The following ITGB3 variants were observed in gnomAD, a reference collection of about 807,000 sequenced individuals.
ITGB3 encodes the protein integrin beta-3.
ITGB3 carries 48 observed loss-of-function variants against 85.8 expected under a neutral mutation model. The observed-to-expected ratio is 0.56, with a 90% CI of 0.44 to 0.71. The LOEUF (loss-of-function observed/expected upper bound fraction) is 0.71, where lower values mean the gene tolerates loss of function less well. Among genes scored for constraint, ITGB3 ranks in the 30% least tolerant of loss-of-function variants. The probability of loss-of-function intolerance (pLI) is 0.00; values close to 1 mark genes in which losing one functional copy is unlikely to be tolerated. For missense variants in ITGB3, 861 were observed against 1,019.1 expected, an observed-to-expected ratio of 0.84 and a Z score of 2.11; for synonymous variants, 363 against 395.6, an observed-to-expected ratio of 0.92 and a Z score of 0.98.
At chr17:47,283,150 T>G (rs999194458) in intron 2 of ITGB3, among the ~76,000 whole-genome samples, 3 of 152,036 alleles carry the variant, frequency 2.0e-5, no homozygotes, top group African/African-American at 7.2e-5. Flanking sequence ...CAAGCAGTCC[T>G]CATGCCTTGG....
At position 47,284,579 on chromosome 17, in the gene ITGB3, C is replaced by G; in HGVS notation, c.498C>G (p.Thr166=). The part of the protein sequence containing the change: ...SIQNLGTKLA[T]QMRKLTSNLR... ...AGAACCTGGGTACCAAGCTGGCCACCCAGATGCGAAAGCTCACCAGTAACC... is the reference window on the plus strand; with the variant it reads ...AGAACCTGGGTACCAAGCTGGCCACGCAGATGCGAAAGCTCACCAGTAACC... Residue 166 remains threonine, a synonymous_variant, in exon 4 of 15, where the codon ACC becomes ACG. Transcript: ENST00000559488. 1 of 1,614,064 alleles carries G rather than the reference C, an allele frequency of 6.2e-7. No homozygotes were observed.
intron 1 of ITGB3, among the ~76,000 whole-genome samples, chr17:47,260,723 C>G (rs920000222): frequency 2.6e-5 from 4 of 151,966 alleles, no homozygotes; most frequent in African/African-American, 9.7e-5. Flanking sequence ...GGGACTTCCA[C>G]AAGTTGAGAA....
Position 47,299,414 on chromosome 17 carries a change from G to A in ITGB3, c.1797G>A (p.Leu599=), listed in dbSNP as rs2065157703. The change falls in exon 11 of 15, where the codon CTG becomes CTA. Residue 599 remains leucine, a synonymous_variant. Coordinates refer to ENST00000559488, the MANE Select transcript of ITGB3 (RefSeq NM_000212.3). The surrounding 1 kb of genome is among the most constrained non-coding windows in gnomAD (Gnocchi z 5.1). ...RTDTCMSSNG[L]LCSGRGKCEC... is the part of the protein sequence containing the mutation. Reference sequence around the variant, plus strand: ...ACACCTGCATGTCCAGCAATGGGCTGCTGTGCAGCGGCCGCGGCAAGTGTG... The same window carrying A: ...ACACCTGCATGTCCAGCAATGGGCTACTGTGCAGCGGCCGCGGCAAGTGTG... 1 of 1,614,262 alleles carries A rather than the reference G, an allele frequency of 6.2e-7. No individual in the cohort carries two copies. Among genetic ancestry groups the A allele is most frequent in the Non-Finnish European group, 8.5e-7 (1 of 1,180,048 alleles).
intron 1 of ITGB3, among the ~76,000 whole-genome samples, chr17:47,256,311 A>T (rs190445502): frequency 2.0e-5 from 3 of 151,650 alleles, no homozygotes; most frequent in African/African-American, 4.8e-5. Context: ...ACTAAAAATT[A>T]AAAAAAAATC....
Position 47,292,210 on chromosome 17 carries a change from C to T in ITGB3, c.1332C>T (p.Pro444=), listed in dbSNP as rs765488914. 104 of 1,614,060 alleles carry T rather than the reference C, an allele frequency of 6.4e-5. No homozygotes were observed. The highest frequency in any genetic ancestry group is 8.5e-5 in the Non-Finnish European group (100 of 1,180,028). The change falls in exon 10 of 15, where the codon CCC becomes CCT. Residue 444 remains proline, a synonymous_variant. Transcript: ENST00000559488. Reference sequence around the variant, plus strand: ...AGGAGAAGTCCTTTACCATAAAGCCCGTGGGCTTCAAGGACAGCCTGATCG... The same window carrying T: ...AGGAGAAGTCCTTTACCATAAAGCCTGTGGGCTTCAAGGACAGCCTGATCG... The part of the protein sequence containing the change: ...QEKEKSFTIK[P]VGFKDSLIVQ...
At chr17:47,284,970 A>C (rs1449890207) in intron 4 of ITGB3, among the ~76,000 whole-genome samples, 1 of 152,220 alleles carries the variant, frequency 6.6e-6, no homozygotes, top group African/African-American at 2.4e-5. Context: ...AGAGAATGGG[A>C]GGGAAATGAC....
chr17:47,256,182 C>A (rs1850769099), intron 1 of ITGB3, among the ~76,000 whole-genome samples: 1 of 152,002 alleles, frequency 6.6e-6, no homozygotes, highest in Non-Finnish European at 1.5e-5. Context: ...TTTAAGATAT[C>A]TGGTCAGGCA....
intron 13 of ITGB3, among the ~76,000 whole-genome samples, chr17:47,305,936 C>T (rs1222355291): frequency 6.6e-6 from 1 of 152,200 alleles, no homozygotes; most frequent in Non-Finnish European, 1.5e-5. Context: ...AATCATTCCT[C>T]ATAACAAGTT....
At chr17:47,269,677 C>G (rs1056505240) in intron 1 of ITGB3, among the ~76,000 whole-genome samples, 2 of 152,150 alleles carry the variant, frequency 1.3e-5, no homozygotes, top group African/African-American at 2.4e-5. Flanking sequence ...TATTCTGAGC[C>G]CTCCAAGTTT....
intron 6 of ITGB3, among the ~76,000 whole-genome samples, chr17:47,289,138 C>T (rs1207619665): frequency 6.6e-6 from 1 of 152,160 alleles, no homozygotes; most frequent in Non-Finnish European, 1.5e-5. Flanking sequence ...AGGCATTTGT[C>T]AGTAGTTCCA....
At chr17:47,291,363 C>T (rs2065124930) in intron 9 of ITGB3, 1 of 584,126 alleles carries the variant, frequency 1.7e-6, no homozygotes, top group Non-Finnish European at 3.0e-6. Context: ...TGTGTATGCA[C>T]AGTTGATTGC....
At chr17:47,265,602 G>A (rs999397451) in intron 1 of ITGB3, among the ~76,000 whole-genome samples, 7 of 152,110 alleles carry the variant, frequency 4.6e-5, no homozygotes, top group Admixed American at 1.3e-4. Context: ...CTACCCTAAC[G>A]ACATCAATTG....
At chr17:47,281,891 A>T (rs1159543554) in intron 2 of ITGB3, among the ~76,000 whole-genome samples, 1 of 152,194 alleles carries the variant, frequency 6.6e-6, no homozygotes, top group African/African-American at 2.4e-5. Context: ...AATTACTATT[A>T]TTTTAAGTAA....
intron 2 of ITGB3, 24 bp from the exon 3 acceptor site, chr17:47,283,330 T>A: frequency 6.2e-7 from 1 of 1,613,556 alleles, no homozygotes; most frequent in Non-Finnish European, 8.5e-7. Flanking sequence ...TTGCTGGACT[T>A]CTCTTTGGGC....
chr17:47,289,157 G>A (rs187411646), intron 6 of ITGB3, among the ~76,000 whole-genome samples: 2 of 152,284 alleles, frequency 1.3e-5, no homozygotes, highest in East Asian at 1.9e-4. Flanking sequence ...CAAAACAGAG[G>A]CCTAACCCAG....
chr17:47,267,226 C>G (rs2065028860), intron 1 of ITGB3, among the ~76,000 whole-genome samples: 1 of 152,168 alleles, frequency 6.6e-6, no homozygotes, highest in African/African-American at 2.4e-5. Context: ...TGGGGTCAAT[C>G]CACCTTGTCC....
intron 14 of ITGB3, 66 bp downstream of exon 14, chr17:47,307,703 T>C: frequency 6.7e-7 from 1 of 1,494,674 alleles, no homozygotes; most frequent in Non-Finnish European, 9.3e-7. Flanking sequence ...AAGCAGCAGA[T>C]GCTTTGGGTG....
In ITGB3 at chr17:47,286,400, T is replaced by A; in HGVS notation, c.755T>A (p.Ile252Asn). 1.2e-6 allele frequency: 2 copies of A among 1,614,124 alleles called. No individual in the cohort carries two copies. Among genetic ancestry groups the A allele is most frequent in the Non-Finnish European group, 1.7e-6 (2 of 1,180,016 alleles). The change falls in exon 5 of 15, where the codon ATC (isoleucine) becomes AAC (asparagine). Residue 252 changes from isoleucine (I) to asparagine (N), a missense_variant. Physicochemically the swap from Ile to Asn is moderately radical, Grantham distance 149. Coordinates refer to ENST00000559488, the MANE Select transcript of ITGB3 (RefSeq NM_000212.3). Reference sequence around the variant, plus strand: ...GCCCCAGAGGGTGGCTTTGATGCCATCATGCAGGCTACAGTCTGTGATGTG... The same window carrying A: ...GCCCCAGAGGGTGGCTTTGATGCCAACATGCAGGCTACAGTCTGTGATGTG... ...RDAPEGGFDA[I>N]MQATVCDEKI...
chr17:47,289,648 C>T (rs537213375), intron 6 of ITGB3, 33 bp from the exon 7 acceptor site: 80 of 1,449,398 alleles, frequency 5.5e-5, no homozygotes, highest in East Asian at 4.8e-4. Flanking sequence ...GTACATGAGA[C>T]GTCATTAACC....
Sources: allele counts gnomAD v4.1 joint callset (sites outside exome capture counted in the v4.1 genomes callset), GRCh38; gene constraint gnomAD v4.1.1; non-coding constraint Gnocchi (gnomAD v3.1); transcripts MANE v1.5; gene names NCBI Gene and HGNC (gene_info 2026-07-23, HGNC 2026-07-21).